The following SLC7A8 variants were observed in gnomAD, a reference collection of about 807,000 sequenced individuals.
SLC7A8 encodes the protein large neutral amino acids transporter small subunit 2.
SLC7A8 carries 30 observed loss-of-function variants against 51.2 expected under a neutral mutation model. The ratio of observed to expected loss-of-function variants is 0.59; its 90% CI spans 0.44 to 0.80. The LOEUF (loss-of-function observed/expected upper bound fraction) is 0.80. Ranked by LOEUF, SLC7A8 falls within the 30% of genes least tolerant of loss-of-function variation. The pLI is 0.00. For missense variants in SLC7A8, 612 were observed against 674.4 expected (o/e 0.91, Z 1.03); for synonymous variants, 257 against 275.8 (o/e 0.93, Z 0.67).
intron 3 of SLC7A8, among the ~76,000 whole-genome samples, chr14:23,149,482 T>C (rs2048827797): frequency 6.6e-6 from 1 of 152,192 alleles, no homozygotes. Context: ...CTTTATTTTC[T>C]GCCCCCATGA....
In SLC7A8 at chr14:23,128,096, A is replaced by G. The variant is rs1267368634; in HGVS notation, c.1364T>C (p.Ile455Thr). 5.0e-6 allele frequency: 8 copies of G among 1,614,216 alleles called. No individual in the cohort carries two copies. The highest frequency in any genetic ancestry group is 6.8e-6 in the Non-Finnish European group (8 of 1,180,036). ...EPVVCGIGLA[I>T]MLTGVPVYFL... Reference sequence around the variant, plus strand: ...ATAGACAGGCACTCCTGTCAGCATGATGGCCAGGCCAATGCCACACACCAC... The same window carrying G: ...ATAGACAGGCACTCCTGTCAGCATGGTGGCCAGGCCAATGCCACACACCAC... The change falls in exon 10 of 11, where the codon ATC (isoleucine) becomes ACC (threonine). Residue 455 changes from isoleucine to threonine, a missense_variant. Ile to Thr is a moderately conservative substitution (Grantham distance 89). Coordinates refer to ENST00000316902, the MANE Select transcript of SLC7A8 (RefSeq NM_012244.4). The surrounding 1 kb of genome is among the most constrained non-coding windows in gnomAD (Gnocchi z 4.3).
intron 6 of SLC7A8, 21 bp downstream of exon 6, chr14:23,139,403 T>C (rs1315322774): frequency 3.7e-6 from 6 of 1,613,666 alleles, no homozygotes; most frequent in Non-Finnish European, 3.4e-6. Context: ...GGTATGAGAC[T>C]CTGGGACTTT....
At chr14:23,164,582 G>C (rs983901141) in intron 3 of SLC7A8, among the ~76,000 whole-genome samples, 7 of 151,326 alleles carry the variant, frequency 4.6e-5, no homozygotes, top group African/African-American at 7.3e-5. Context: ...AAATCATAGT[G>C]CCTCCAAGGA....
chr14:23,180,096 C>T (rs192141780), intron 1 of SLC7A8, among the ~76,000 whole-genome samples: 5,091 of 152,024 alleles, frequency 0.033, 125 homozygotes, highest in Non-Finnish European at 0.049. Context: ...TTAGTAGAGA[C>T]GAGGTTTCAC....
At chr14:23,130,034 C>A in intron 8 of SLC7A8, 1 of 501,528 alleles carries the variant, frequency 2.0e-6, no homozygotes, top group African/African-American at 1.9e-5. Context: ...TCGTATGGCA[C>A]GGGCACTAGC....
At chr14:23,131,615 T>G in intron 7 of SLC7A8, 58 bp from the exon 8 acceptor site, 1 of 1,364,134 alleles carries the variant, frequency 7.3e-7, no homozygotes. Flanking sequence ...AAGCCCCAGC[T>G]CCTTCATCCT....
Position 23,166,481 on chromosome 14 carries a change from A to G in SLC7A8, c.211T>C (p.Ser71Pro). 1 of 1,614,220 alleles carries G rather than the reference A, an allele frequency of 6.2e-7. No individual in the cohort carries two copies. Among genetic ancestry groups the G allele is most frequent in the Non-Finnish European group, 8.5e-7 (1 of 1,180,042 alleles). ...CAGACGATGAGAGCAAGGCCCACAG[A>G]ACCAGCATTCTCCAGCACTCCCTTT... ...SPKGVLENAG[S>P]VGLALIVWIV... The change falls in exon 2 of 11, where the codon TCT becomes CCT. Residue 71 changes from serine (S) to proline (P), a missense_variant. Ser to Pro is a moderately conservative substitution (Grantham distance 74). Coordinates refer to ENST00000316902, the MANE Select transcript of SLC7A8 (RefSeq NM_012244.4).
At chr14:23,158,912 C>A (rs1319659232) in intron 3 of SLC7A8, among the ~76,000 whole-genome samples, 1 of 152,136 alleles carries the variant, frequency 6.6e-6, no homozygotes, top group Non-Finnish European at 1.5e-5. Context: ...TTTTCTTTCC[C>A]AAATGTGAAC....
intron 4 of SLC7A8, among the ~76,000 whole-genome samples, chr14:23,141,442 GTCTCTCTTTTCTTT>G (rs1278093292): frequency 3.9e-5 from 6 of 152,108 alleles, no homozygotes; most frequent in Admixed American, 1.3e-4. Flanking sequence ...TGTGTGTTTG[GTCTCTCTTTTCTTT>G]TTTGTTTTTT....
intron 2 of SLC7A8, 59 bp downstream of exon 2, chr14:23,166,277 C>T (rs1594838456): frequency 3.2e-6 from 5 of 1,581,372 alleles, no homozygotes; most frequent in Non-Finnish European, 4.3e-6. Context: ...ATCTGACCTC[C>T]TTCTGAATGT....
At chr14:23,144,534 G>T (rs2048774259) in intron 3 of SLC7A8, among the ~76,000 whole-genome samples, 1 of 152,048 alleles carries the variant, frequency 6.6e-6, no homozygotes, top group African/African-American at 2.4e-5. Context: ...AAGCTGGGTG[G>T]TGTGGTCGCT....
rs749923067 is a variant in SLC7A8 at position 23,182,800 on chromosome 14, C to T, written c.115G>A (p.Glu39Lys). Residue 39 changes from glutamate to lysine, a missense_variant, in exon 1 of 11, where the codon GAG (glutamate) becomes AAG (lysine). Physicochemically the swap from Glu to Lys is moderately conservative, Grantham distance 56 (BLOSUM62 1). Coordinates refer to ENST00000316902, the MANE Select transcript of SLC7A8 (RefSeq NM_012244.4). ...SGGGGVALKK[E>K]IGLVSACGII... ...CCACAGGCACTGACCAATCCGATCT[C>T]TTTCTTCAGGGCTACTCCGCCCCCT... 3.7e-6 allele frequency: 6 copies of T among 1,610,098 alleles called. No individual in the cohort carries two copies. Among genetic ancestry groups the T allele is most frequent in the Non-Finnish European group, 5.1e-6 (6 of 1,178,514 alleles).
chr14:23,179,489 A>G (rs1295298470), intron 1 of SLC7A8, among the ~76,000 whole-genome samples: 1 of 151,200 alleles, frequency 6.6e-6, no homozygotes. Flanking sequence ...GGCAAATGTA[A>G]CTTTGCCACA....
intron 3 of SLC7A8, among the ~76,000 whole-genome samples, chr14:23,146,023 G>T (rs1303017760): frequency 2.0e-5 from 3 of 152,194 alleles, no homozygotes; most frequent in Non-Finnish European, 2.9e-5. Context: ...AGGATTTCAG[G>T]ATCATGTGCC....
intron 3 of SLC7A8, among the ~76,000 whole-genome samples, chr14:23,155,933 G>A (rs996455480): frequency 2.6e-5 from 4 of 151,986 alleles, no homozygotes; most frequent in South Asian, 2.1e-4. Flanking sequence ...CCCCCAAAAC[G>A]GTTCAGTTAT....
chr14:23,132,610 CT>C, intron 7 of SLC7A8, among the ~76,000 whole-genome samples: 1 of 151,686 alleles, frequency 6.6e-6, no homozygotes. Context: ...CCCCACAAAA[CT>C]CATCAAAATG....
chr14:23,161,133 C>A (rs1334328924), intron 3 of SLC7A8, among the ~76,000 whole-genome samples: 1 of 152,036 alleles, frequency 6.6e-6, no homozygotes, highest in Non-Finnish European at 1.5e-5. Flanking sequence ...CCCCGACCCG[C>A]TCAGGATCCG....
At chr14:23,175,837 T>C (rs1301532047) in intron 1 of SLC7A8, among the ~76,000 whole-genome samples, 1 of 152,218 alleles carries the variant, frequency 6.6e-6, no homozygotes, top group Non-Finnish European at 1.5e-5. Context: ...GGTGGGAATC[T>C]AGGCTCTACC....
chr14:23,142,707 G>A (rs2048756486), intron 4 of SLC7A8, among the ~76,000 whole-genome samples: 2 of 152,096 alleles, frequency 1.3e-5, no homozygotes, highest in South Asian at 2.1e-4. Context: ...TCGCTGTGCT[G>A]TTCAGGCTAG....
Sources: gnomAD v4.1 joint callset for allele counts (sites outside exome capture counted in the v4.1 genomes callset) on GRCh38, gnomAD v4.1.1 for gene constraint, Gnocchi (gnomAD v3.1) non-coding constraint, MANE v1.5 for transcripts, NCBI Gene and HGNC (gene_info 2026-07-23, HGNC 2026-07-21) for gene names.